Variants in FIGN observed in about 807,000 individuals in gnomAD.
The protein encoded by FIGN is fidgetin, microtubule severing factor, also known as fidgetin.
Under a neutral mutation model 51.3 loss-of-function variants are expected in FIGN, and 11 were observed. The ratio of observed to expected loss-of-function variants is 0.21; its 90% CI spans 0.13 to 0.35. The LOEUF (loss-of-function observed/expected upper bound fraction) is 0.35, where lower values mean the gene tolerates loss of function less well. Among genes scored for constraint, FIGN ranks in the 10% least tolerant of loss-of-function variants. FIGN has a pLI of 1.00. For synonymous variants in FIGN, 407 were observed against 363.2 expected (o/e 1.12, Z -1.37); for missense variants, 857 against 943.6 (o/e 0.91, Z 1.20).
chr2:163,687,565 T>C (rs1480546800), intron 2 of FIGN, among the ~76,000 whole-genome samples: 1 of 152,184 alleles, frequency 6.6e-6, no homozygotes, highest in African/African-American at 2.4e-5. Flanking sequence ...TGACTTCACA[T>C]GAAAGAATTA....
At chr2:163,669,960 T>G (rs1354755223) in intron 2 of FIGN, among the ~76,000 whole-genome samples, 1 of 152,178 alleles carries the variant, frequency 6.6e-6, no homozygotes, top group Non-Finnish European at 1.5e-5. Flanking sequence ...TGATGCCCAC[T>G]CTTCCAAGGA....
chr2:163,651,528 T>C (rs1683477648), intron 2 of FIGN, among the ~76,000 whole-genome samples: 1 of 152,198 alleles, frequency 6.6e-6, no homozygotes. Flanking sequence ...AGGAAATGCA[T>C]TGCAGTTGAG....
chr2:163,667,417 G>C (rs889708326), intron 2 of FIGN, among the ~76,000 whole-genome samples: 1 of 151,238 alleles, frequency 6.6e-6, no homozygotes, highest in Non-Finnish European at 1.5e-5. Context: ...ACATTCATTA[G>C]TTTACCCACA....
At chr2:163,677,150 C>T (rs1438539935) in intron 2 of FIGN, among the ~76,000 whole-genome samples, 3 of 152,134 alleles carry the variant, frequency 2.0e-5, no homozygotes, top group Non-Finnish European at 2.9e-5. Context: ...CATGGCTCTG[C>T]CAGATTTTAT....
intron 2 of FIGN, among the ~76,000 whole-genome samples, chr2:163,680,898 C>T (rs1684052504): frequency 1.3e-5 from 2 of 152,134 alleles, no homozygotes; most frequent in South Asian, 4.1e-4. Context: ...CCTTATCAGC[C>T]TGTCTAGCAG....
intron 2 of FIGN, among the ~76,000 whole-genome samples, chr2:163,669,190 A>G (rs993353191): frequency 2.0e-5 from 3 of 152,086 alleles, no homozygotes; most frequent in African/African-American, 4.8e-5. Context: ...ATAACTAATA[A>G]CAACTAAACA....
intron 2 of FIGN, chr2:163,612,684 A>G (rs1682781058): frequency 1.2e-6 from 1 of 840,248 alleles, no homozygotes; most frequent in African/African-American, 2.3e-5. Context: ...AGGTACTAAG[A>G]GGGGAGAATG....
At chr2:163,653,671 TACA>T (rs1365029097) in intron 2 of FIGN, among the ~76,000 whole-genome samples, 18 of 152,106 alleles carry the variant, frequency 1.2e-4, no homozygotes, top group South Asian at 1.0e-3. Flanking sequence ...ATTTTAAGCA[TACA>T]ATTTTAAAAT....
Position 163,610,758 on chromosome 2 carries a change from G to A in FIGN, c.1074C>T (p.Asn358=). The change falls in exon 3 of 3, where the codon AAC becomes AAT. Residue 358 remains asparagine, a synonymous_variant. Transcript: ENST00000333129. ...TGTCAAAGCCATTCCCCCGATTTGT[G>A]TTTGAAATGCTGTTGTCGGGCATTC... ...MYRMPDNSIS[N]TNRGNGFDRS... is the part of the protein sequence containing the mutation. 1 of 1,614,160 alleles carries A rather than the reference G, an allele frequency of 6.2e-7. No homozygotes were observed. The highest frequency in any genetic ancestry group is 8.5e-7 in the Non-Finnish European group (1 of 1,180,028).
In FIGN at chr2:163,609,334, C is replaced by G; in HGVS notation, c.*218G>C. The G allele has an allele frequency of 1.8e-6, 1 of 568,212 alleles. No homozygotes were observed. Among genetic ancestry groups the G allele is most frequent in the Non-Finnish European group, 3.1e-6 (1 of 321,996 alleles). The allele number at this position is 568,212 out of a possible 1,614,324, so 35.2% of individuals were successfully genotyped here. On this transcript the variant is annotated 3_prime_UTR_variant, in exon 3 of 3. Transcript: ENST00000333129. ...TAGCTTGAACAGAACTGAGCATCCA[C>G]ATATGCTTTCTGTCATCTGGGGCTT...
intron 2 of FIGN, among the ~76,000 whole-genome samples, chr2:163,662,897 A>G (rs553823701): frequency 6.6e-6 from 1 of 151,958 alleles, no homozygotes; most frequent in Non-Finnish European, 1.5e-5. Context: ...CTTCTTCCTC[A>G]TTTTTCTCTT....
chr2:163,727,179 T>G (rs993706624), intron 2 of FIGN, among the ~76,000 whole-genome samples: 1 of 152,092 alleles, frequency 6.6e-6, no homozygotes, highest in African/African-American at 2.4e-5. Flanking sequence ...TTGCCACTTA[T>G]TTACCCAGAT....
At chr2:163,695,161 C>T (rs1010350104) in intron 2 of FIGN, among the ~76,000 whole-genome samples, 1 of 152,176 alleles carries the variant, frequency 6.6e-6, no homozygotes, top group Non-Finnish European at 1.5e-5. Context: ...TCACTCTTTT[C>T]CTTAAATTCC....
intron 2 of FIGN, among the ~76,000 whole-genome samples, chr2:163,649,674 C>A (rs1225852049): frequency 6.6e-6 from 1 of 152,156 alleles, no homozygotes; most frequent in African/African-American, 2.4e-5. Flanking sequence ...GGCAAATAAT[C>A]ATGAGAAATT....
intron 2 of FIGN, among the ~76,000 whole-genome samples, chr2:163,728,524 A>G (rs1449349616): frequency 6.6e-6 from 1 of 152,100 alleles, no homozygotes; most frequent in Non-Finnish European, 1.5e-5. Flanking sequence ...ACAAAAGCAA[A>G]TATTTCAATC....
intron 2 of FIGN, among the ~76,000 whole-genome samples, chr2:163,709,493 C>A (rs528539777): frequency 6.6e-6 from 1 of 152,030 alleles, no homozygotes; most frequent in Non-Finnish European, 1.5e-5. Flanking sequence ...ATCAAGCAGA[C>A]CTTAGTTTCA....
In FIGN at chr2:163,606,515, A is replaced by C. The variant is rs1397885948; in HGVS notation, c.*3037T>G. 2 of 152,206 alleles carry C rather than the reference A, an allele frequency of 1.3e-5. No homozygotes were observed. The highest frequency in any genetic ancestry group is 4.8e-5 in the African/African-American group (2 of 41,430). The allele number at this position is 152,206 out of a possible 1,614,324, so 9.4% of individuals were successfully genotyped here. ...CATTAATAGCCTTCTCCAAATTCTT[A>C]GCAGTCAAAAAGAGGCCAAGGGTAT... On this transcript the variant is annotated 3_prime_UTR_variant, in exon 3 of 3. Coordinates refer to ENST00000333129, the MANE Select transcript of FIGN (RefSeq NM_018086.4).
chr2:163,623,298 A>G (rs1443037206), intron 2 of FIGN, among the ~76,000 whole-genome samples: 1 of 152,176 alleles, frequency 6.6e-6, no homozygotes, highest in Non-Finnish European at 1.5e-5. Context: ...AAAACTAAGT[A>G]TTATTTGAGG....
At chr2:163,659,059 T>G (rs1197248603) in intron 2 of FIGN, among the ~76,000 whole-genome samples, 1 of 152,150 alleles carries the variant, frequency 6.6e-6, no homozygotes, top group Admixed American at 6.5e-5. Context: ...ACCTTCGAAG[T>G]TCATAAATTT....
Sources: gnomAD v4.1 joint callset for allele counts (sites outside exome capture counted in the v4.1 genomes callset) on GRCh38, gnomAD v4.1.1 for gene constraint, MANE v1.5 for transcripts, NCBI Gene and HGNC (gene_info 2026-07-23, HGNC 2026-07-21) for gene names.